Variants in TPP2 observed in about 807,000 individuals in gnomAD.
TPP2 encodes the protein tripeptidyl-peptidase 2.
A neutral mutation model predicts 155.9 loss-of-function variants in TPP2; 34 were observed. That is an observed-to-expected ratio of 0.22 (90% CI 0.17 to 0.29). The LOEUF (loss-of-function observed/expected upper bound fraction) is 0.29, where lower values mean the gene tolerates loss of function less well. Among genes scored for constraint, TPP2 ranks in the 10% least tolerant of loss-of-function variants. The pLI, the probability that TPP2 is intolerant of heterozygous loss-of-function variation, is 1.00. For missense variants in TPP2, 1,028 were observed against 1,522.3 expected, an observed-to-expected ratio of 0.68 and a Z score of 5.40; for synonymous variants, 510 against 529.4, an observed-to-expected ratio of 0.96 and a Z score of 0.50.
chr13:102,618,006 A>G (rs567543397), intron 4 of TPP2, among the ~76,000 whole-genome samples: 12 of 152,264 alleles, frequency 7.9e-5, no homozygotes, highest in Admixed American at 3.3e-4. Context: ...ATGCCTTTCT[A>G]TCTCCCAGCT....
chr13:102,622,819 G>A, intron 5 of TPP2, 58 bp from the exon 6 acceptor site: 1 of 1,541,016 alleles, frequency 6.5e-7, no homozygotes, highest in Non-Finnish European at 8.7e-7. Flanking sequence ...TATGTTACAT[G>A]ATTTTTAGAA....
chr13:102,618,055 G>A (rs1415510655), intron 4 of TPP2, among the ~76,000 whole-genome samples: 1 of 152,104 alleles, frequency 6.6e-6, no homozygotes, highest in African/African-American at 2.4e-5. Context: ...AATTATTTGA[G>A]TACCTAACTT....
At chr13:102,642,537 A>AT (rs1188372986) in intron 16 of TPP2, among the ~76,000 whole-genome samples, 1 of 152,072 alleles carries the variant, frequency 6.6e-6, no homozygotes, top group South Asian at 2.1e-4. Flanking sequence ...ATAACACTAG[A>AT]TTTTGTATTC....
At position 102,617,257 on chromosome 13, in the gene TPP2, G is replaced by C. The variant is rs145763471; in HGVS notation, c.495+757G>C. 5.5e-3 allele frequency among the ~76,000 whole-genome samples: 832 copies of C among 152,070 alleles called. 3 individuals are homozygous for C. The highest frequency in any genetic ancestry group is 8.9e-3 in the Non-Finnish European group (608 of 67,966). On this transcript the variant is annotated intron_variant, in intron 4 of 29. Transcript: ENST00000376052. The stretch of plus-strand genomic sequence containing the variant: ...ATGTATTATTGTCACTTTTAAAAAG[G>C]GTTTCAAAATACTTCATTTTTCAGT...
chr13:102,643,058 T>A (rs1461723940), intron 16 of TPP2, among the ~76,000 whole-genome samples, 164 bp from the exon 17 acceptor site: 1 of 152,216 alleles, frequency 6.6e-6, no homozygotes, highest in Non-Finnish European at 1.5e-5. Context: ...TTTTGTTGAT[T>A]CTTTGTTTTT....
chr13:102,627,104 T>C lies in TPP2; in HGVS notation c.877T>C (p.Ser293Pro), dbSNP rs766400348. 1.9e-5 allele frequency: 30 copies of C among 1,601,332 alleles called. No homozygotes were observed. Among genetic ancestry groups the C allele is most frequent in the Non-Finnish European group, 2.4e-5 (28 of 1,173,922 alleles). ...NGVAPGAQILSIKIGDTRLST... is the reference protein window; with the variant it reads ...NGVAPGAQILPIKIGDTRLST... ...GGTAGCTCCTGGTGCTCAAATTCTT[T>C]CCATCAAGATTGGTGATACAAGACT... Residue 293 changes from serine to proline, a missense_variant, in exon 7 of 30, where the codon TCC (serine) becomes CCC (proline). By Grantham distance (74) the Ser-to-Pro change is moderately conservative. Coordinates refer to ENST00000376052, the MANE Select transcript of TPP2 (RefSeq NM_001330588.2).
chr13:102,616,561 A>G (rs1880751111), intron 4 of TPP2, 61 bp downstream of exon 4: 2 of 1,365,684 alleles, frequency 1.5e-6, no homozygotes, highest in Admixed American at 2.4e-5. Flanking sequence ...TAGAGTTTCT[A>G]CAGAACTAAT....
chr13:102,677,601 G>A (rs115862985), intron 29 of TPP2, among the ~76,000 whole-genome samples: 4,778 of 152,174 alleles, frequency 0.031, 265 homozygotes, highest in African/African-American at 0.11. Context: ...CCTACCAAAG[G>A]ACCTTAGCAC....
intron 4 of TPP2, 115 bp downstream of exon 4, chr13:102,616,615 T>A: frequency 1.2e-6 from 1 of 802,762 alleles, no homozygotes; most frequent in Non-Finnish European, 1.8e-6. Flanking sequence ...AATTTTCTTT[T>A]AAGTTGGTTA....
chr13:102,604,713 A>T, intron 1 of TPP2, 80 bp from the exon 2 acceptor site: 2 of 1,446,294 alleles, frequency 1.4e-6, no homozygotes, highest in South Asian at 1.3e-5. Flanking sequence ...ATATACACAC[A>T]CATATATATG....
In TPP2 at chr13:102,636,376, A is replaced by G. The variant is rs771443630; in HGVS notation, c.1662A>G (p.Val554=). ...PSDHGVGIEP[V]FPENTENSEK... ...ATCATGGCGTTGGCATTGAACCTGTATTTCCGGAGAACACAGGTCAGTAAT... is the reference window on the plus strand; with the variant it reads ...ATCATGGCGTTGGCATTGAACCTGTGTTTCCGGAGAACACAGGTCAGTAAT... The change falls in exon 13 of 30, where the codon GTA becomes GTG. Residue 554 remains valine (V), a synonymous_variant. Transcript: ENST00000376052. The G allele has an allele frequency of 3.1e-6, 5 of 1,612,594 alleles. No homozygotes were observed. The highest frequency in any genetic ancestry group is 1.7e-5 in the Admixed American group (1 of 59,684).
rs187890485 is a variant in TPP2 at position 102,618,404 on chromosome 13, A to G, written c.496-318A>G. 3.9e-5 allele frequency among the ~76,000 whole-genome samples: 6 copies of G among 152,346 alleles called. No homozygotes were observed. In the East Asian group the frequency reaches 1.2e-3, roughly 29 times the overall value. ...CTTTTGGAAATAAGTTAGATAACAA[A>G]TATGTAACAAGCATATCTTGGCTAA... On this transcript the variant is annotated intron_variant, in intron 4 of 29. Coordinates refer to ENST00000376052, the MANE Select transcript of TPP2 (RefSeq NM_001330588.2).
chr13:102,607,200 C>T (rs1566317914), intron 2 of TPP2, among the ~76,000 whole-genome samples: 1 of 152,178 alleles, frequency 6.6e-6, no homozygotes, highest in African/African-American at 2.4e-5. Context: ...ATCCAGTTTA[C>T]GGTGCGGGTT....
intron 6 of TPP2, 114 bp downstream of exon 6, chr13:102,623,154 A>G: frequency 8.7e-7 from 1 of 1,150,648 alleles, no homozygotes; most frequent in Non-Finnish European, 1.2e-6. Flanking sequence ...TCGTAGCTAA[A>G]GGACTAGGTC....
Position 102,649,576 on chromosome 13 carries a change from TA to T in TPP2, c.2952+94del, listed in dbSNP as rs1348839900. 5.1e-6 allele frequency: 6 copies of T among 1,176,806 alleles called. No homozygotes were observed. The African/African-American group carries it at 9.4e-5, about 18-fold the overall frequency. The allele number at this position is 1,176,806 out of a possible 1,614,324, so 72.9% of individuals were successfully genotyped here. ...AATTAATTCCACATTTCAGAATGGA[TA>T]AAAGAGAAGATATACTCTTGGGGAA... On this transcript the variant is annotated intron_variant, in intron 23 of 29. Coordinates refer to ENST00000376052, the MANE Select transcript of TPP2 (RefSeq NM_001330588.2).
chr13:102,671,133 C>G (rs1397021462), intron 27 of TPP2, among the ~76,000 whole-genome samples: 1 of 152,134 alleles, frequency 6.6e-6, no homozygotes, highest in Non-Finnish European at 1.5e-5. Flanking sequence ...ACAAATTTTT[C>G]TCTGTCCTGT....
chr13:102,616,711 G>A (rs112744036), intron 4 of TPP2, among the ~76,000 whole-genome samples: 71 of 152,178 alleles, frequency 4.7e-4, no homozygotes, highest in African/African-American at 1.6e-3. Flanking sequence ...AATACACGTA[G>A]GGTAAAAGTA....
Position 102,620,586 on chromosome 13 carries a change from T to C in TPP2, c.620+1740T>C, listed in dbSNP as rs536824803. Reference sequence around the variant, plus strand: ...ATTTCTGAAGGGAGGTAAAGTGACCTATTCTTTAAGTACCGTGGGTTTTTT... The same window carrying C: ...ATTTCTGAAGGGAGGTAAAGTGACCCATTCTTTAAGTACCGTGGGTTTTTT... On this transcript the variant is annotated intron_variant, in intron 5 of 29. Transcript: ENST00000376052. Among the ~76,000 whole-genome samples, 3 of 152,306 alleles carry C rather than the reference T, an allele frequency of 2.0e-5. No individual in the cohort carries two copies. The East Asian group carries it at 5.8e-4, about 29-fold the overall frequency.
At chr13:102,655,474 A>G (rs1883795493) in intron 24 of TPP2, among the ~76,000 whole-genome samples, 1 of 152,220 alleles carries the variant, frequency 6.6e-6, no homozygotes, top group African/African-American at 2.4e-5. Context: ...AACTGACTTA[A>G]TAAATAACGA....
Sources: gnomAD v4.1 joint callset for allele counts (sites outside exome capture counted in the v4.1 genomes callset) on GRCh38, gnomAD v4.1.1 for gene constraint, MANE v1.5 for transcripts, NCBI Gene and HGNC (gene_info 2026-07-23, HGNC 2026-07-21) for gene names.